CBFA2T2: variants seen among roughly 807,000 people sequenced by gnomAD.
CBFA2T2 encodes CBFA2/RUNX1 partner transcriptional co-repressor 2, also known as protein CBFA2T2.
A neutral mutation model predicts 62.2 loss-of-function variants in CBFA2T2; 11 were observed. That is an observed-to-expected ratio of 0.18 (90% CI 0.11 to 0.29). The LOEUF is 0.29. Among genes scored for constraint, CBFA2T2 ranks in the 10% least tolerant of loss-of-function variants. The pLI is 1.00. For missense variants in CBFA2T2, 592 were observed against 774.1 expected (o/e 0.76, Z 2.79); for synonymous variants, 295 against 287.5 (o/e 1.03, Z -0.27).
chr20:33,608,768 C>G (rs954972863), intron 2 of CBFA2T2, among the ~76,000 whole-genome samples: 1 of 152,118 alleles, frequency 6.6e-6, no homozygotes, highest in South Asian at 2.1e-4. Context: ...TGTGATCATA[C>G]ATTTTTTTCT....
chr20:33,583,252 G>A (rs115987350), intron 1 of CBFA2T2, among the ~76,000 whole-genome samples: 1,999 of 152,224 alleles, frequency 0.013, 26 homozygotes, highest in Middle Eastern at 0.031. Context: ...CTATTGTATC[G>A]ATTTGAAAAA....
At chr20:33,503,220 CA>C (rs1216707827) in intron 1 of CBFA2T2, among the ~76,000 whole-genome samples, 5 of 147,904 alleles carry the variant, frequency 3.4e-5, no homozygotes, top group African/African-American at 1.2e-4. Context: ...ATACACATAT[CA>C]AAAAATATGT....
At chr20:33,564,265 C>T (rs75247377) in intron 1 of CBFA2T2, among the ~76,000 whole-genome samples, 95 of 120,430 alleles carry the variant, frequency 7.9e-4, no homozygotes, top group African/African-American at 2.8e-3. Context: ...CTTTTTCTTT[C>T]TTTTTTTTTT....
chr20:33,629,971 A>G, intron 8 of CBFA2T2, 57 bp downstream of exon 8: 3 of 1,454,382 alleles, frequency 2.1e-6, no homozygotes, highest in South Asian at 1.4e-5. Context: ...GAGCCCACCA[A>G]TCTGTCACAG....
chr20:33,579,554 C>CTT (rs76190498), intron 1 of CBFA2T2, among the ~76,000 whole-genome samples: 26 of 125,346 alleles, frequency 2.1e-4, no homozygotes, highest in East Asian at 4.7e-4. Context: ...CATCACGAAT[C>CTT]TTTTTTTTTT....
At chr20:33,643,207 CT>C (rs773018168) in intron 10 of CBFA2T2, among the ~76,000 whole-genome samples, 3 of 152,208 alleles carry the variant, frequency 2.0e-5, no homozygotes, top group Non-Finnish European at 2.9e-5. Context: ...CCCTCTCATA[CT>C]GGCAGTATAC....
chr20:33,518,606 C>CA (rs1232405120), intron 1 of CBFA2T2, among the ~76,000 whole-genome samples: 7,782 of 102,852 alleles, frequency 0.076, 639 homozygotes, highest in African/African-American at 0.23. Flanking sequence ...ACTAAAAATA[C>CA]AAAAAAAAAA....
intron 10 of CBFA2T2, among the ~76,000 whole-genome samples, chr20:33,642,908 A>C (rs1052006284): frequency 6.6e-6 from 1 of 152,156 alleles, no homozygotes; most frequent in Non-Finnish European, 1.5e-5. Flanking sequence ...AAGGAATTGT[A>C]ATTTTAAATA....
chr20:33,603,241 T>C (rs1382652116), intron 1 of CBFA2T2, among the ~76,000 whole-genome samples: 1 of 152,196 alleles, frequency 6.6e-6, no homozygotes, highest in Non-Finnish European at 1.5e-5. Context: ...AATTCCTATG[T>C]AGGAAAAAAT....
chr20:33,521,413 T>C (rs1369475963), intron 1 of CBFA2T2, among the ~76,000 whole-genome samples: 1 of 152,202 alleles, frequency 6.6e-6, no homozygotes, highest in Non-Finnish European at 1.5e-5. Context: ...GTTATAATAA[T>C]AACTCTCTGA....
At chr20:33,498,747 T>TA (rs1255228042) in intron 1 of CBFA2T2, among the ~76,000 whole-genome samples, 2 of 150,876 alleles carry the variant, frequency 1.3e-5, no homozygotes, top group East Asian at 3.9e-4. Context: ...CTCAAAATAA[T>TA]AAAAAATAAT....
intron 1 of CBFA2T2, among the ~76,000 whole-genome samples, chr20:33,530,907 C>A (rs1467189473): frequency 6.6e-6 from 1 of 151,984 alleles, no homozygotes; most frequent in Non-Finnish European, 1.5e-5. Flanking sequence ...GTAGTGAAAC[C>A]CCATCTCTAC....
chr20:33,636,705 A>G lies in CBFA2T2; in HGVS notation c.1294A>G (p.Thr432Ala), dbSNP rs759666493. The change falls in exon 9 of 11, where the codon ACA becomes GCA. Residue 432 changes from threonine (T) to alanine (A), a missense_variant. Transcript: ENST00000342704. ...CGTACCTGTGGAGTTTTGGAAAAAA[A>G]CAGGTATGTGTCTGACTGCTTGTAG... ...GYVPVEFWKK[T>A]EEAVNKVKIQ... 1.9e-6 allele frequency: 3 copies of G among 1,611,384 alleles called. No individual in the cohort carries two copies.
intron 1 of CBFA2T2, among the ~76,000 whole-genome samples, chr20:33,593,582 G>A (rs1008400685): frequency 6.6e-6 from 1 of 151,652 alleles, no homozygotes; most frequent in Admixed American, 6.6e-5. Flanking sequence ...CACTAGAGAC[G>A]GGGTTTTGCC....
At chr20:33,546,639 C>T (rs946998822) in intron 1 of CBFA2T2, among the ~76,000 whole-genome samples, 1 of 151,116 alleles carries the variant, frequency 6.6e-6, no homozygotes, top group African/African-American at 2.4e-5. Flanking sequence ...GTAGTGGATA[C>T]AATTTTTATT....
intron 1 of CBFA2T2, among the ~76,000 whole-genome samples, chr20:33,517,469 A>C: frequency 9.0e-6 from 1 of 110,834 alleles, no homozygotes; most frequent in Admixed American, 1.1e-4. Flanking sequence ...TTTTTTTTTG[A>C]GACAGAGTCT....
chr20:33,552,120 A>G (rs567535804), intron 1 of CBFA2T2, among the ~76,000 whole-genome samples: 16 of 151,240 alleles, frequency 1.1e-4, no homozygotes, highest in Admixed American at 6.6e-4. Context: ...CAAGCTTTGT[A>G]ATGCTCAGTG....
At chr20:33,579,137 A>G (rs2013988447) in intron 1 of CBFA2T2, among the ~76,000 whole-genome samples, 1 of 148,694 alleles carries the variant, frequency 6.7e-6, no homozygotes, top group Non-Finnish European at 1.5e-5. Flanking sequence ...TTTTAAGGAA[A>G]GCGTCTCCTT....
chr20:33,572,759 T>C (rs1253931425), intron 1 of CBFA2T2, among the ~76,000 whole-genome samples: 1 of 152,220 alleles, frequency 6.6e-6, no homozygotes, highest in African/African-American at 2.4e-5. Context: ...GCATAAAGCT[T>C]TGTAATCCAA....
Sources: gnomAD v4.1 joint callset for allele counts (sites outside exome capture counted in the v4.1 genomes callset) on GRCh38, gnomAD v4.1.1 for gene constraint, MANE v1.5 for transcripts, NCBI Gene and HGNC (gene_info 2026-07-23, HGNC 2026-07-21) for gene names.